The following C9 variants were observed in gnomAD, a reference collection of about 807,000 sequenced individuals.
The protein encoded by C9 is complement component C9.
C9 carries 63 observed loss-of-function variants against 65.4 expected under a neutral mutation model. That is an observed-to-expected ratio of 0.96 (90% confidence interval 0.79 to 1.19). The LOEUF is 1.19. C9 is among the 50% of genes most tolerant of loss of function. The probability of loss-of-function intolerance (pLI) is 0.00; values close to 1 mark genes in which losing one functional copy is unlikely to be tolerated. For missense variants in C9, 744 were observed against 670.1 expected (o/e 1.11, Z -1.22); for synonymous variants, 229 against 227.9 (o/e 1.00, Z -0.04).
intron 7 of C9, among the ~76,000 whole-genome samples, chr5:39,310,007 T>G (rs1753451288): frequency 6.6e-6 from 1 of 152,058 alleles, no homozygotes; most frequent in South Asian, 2.1e-4. Flanking sequence ...CAGGTGGAGC[T>G]CACAGCAACT....
chr5:39,315,626 T>G, intron 6 of C9, 149 bp downstream of exon 6: 1 of 629,328 alleles, frequency 1.6e-6, no homozygotes, highest in Non-Finnish European at 2.7e-6. Context: ...TTTTCTCCAG[T>G]TAGTATTCTT....
intron 4 of C9, among the ~76,000 whole-genome samples, chr5:39,333,648 C>CCCCTCTCCCTCTCTTTCCACGGTCTA (rs1388203689): frequency 6.6e-6 from 1 of 150,546 alleles, no homozygotes; most frequent in Non-Finnish European, 1.5e-5. Flanking sequence ...TCCACGGTCT[C>CCCCTCTCCCTCTCTTTCCACGGTCTA]CCTCTCATGC....
intron 7 of C9, among the ~76,000 whole-genome samples, chr5:39,309,113 A>C (rs1483894228): frequency 6.6e-6 from 1 of 152,184 alleles, no homozygotes; most frequent in Non-Finnish European, 1.5e-5. Context: ...ACTAGAAAGA[A>C]AAATCCTAAT....
At chr5:39,362,478 C>T (rs1425280196) in intron 1 of C9, among the ~76,000 whole-genome samples, 2 of 152,142 alleles carry the variant, frequency 1.3e-5, no homozygotes, top group Non-Finnish European at 2.9e-5. Context: ...GGAGGGAGCA[C>T]GGCCCTGCCA....
At chr5:39,291,570 T>C (rs1467596579) in intron 9 of C9, among the ~76,000 whole-genome samples, 2 of 151,824 alleles carry the variant, frequency 1.3e-5, no homozygotes, top group Non-Finnish European at 2.9e-5. Flanking sequence ...AGATATCTTA[T>C]GAATAAAAAC....
intron 9 of C9, among the ~76,000 whole-genome samples, chr5:39,300,815 T>C (rs946344534): frequency 6.6e-6 from 1 of 152,158 alleles, no homozygotes; most frequent in Non-Finnish European, 1.5e-5. Flanking sequence ...CAACATACCA[T>C]GTATAGAAAG....
intron 1 of C9, among the ~76,000 whole-genome samples, chr5:39,349,510 C>T (rs1022907262): frequency 2.0e-5 from 3 of 152,194 alleles, no homozygotes; most frequent in Admixed American, 1.3e-4. Context: ...AAGAACAAGT[C>T]TTATCTCCTT....
At chr5:39,321,329 C>T (rs1245802681) in intron 5 of C9, among the ~76,000 whole-genome samples, 2 of 152,000 alleles carry the variant, frequency 1.3e-5, no homozygotes, top group African/African-American at 2.4e-5. Context: ...ATTTATGTTG[C>T]TAACAGTTTA....
At chr5:39,319,623 A>G (rs1753631748) in intron 5 of C9, among the ~76,000 whole-genome samples, 1 of 152,156 alleles carries the variant, frequency 6.6e-6, no homozygotes, top group South Asian at 2.1e-4. Context: ...CTCAGGCTCC[A>G]GTTTCACCCA....
Position 39,364,453 on chromosome 5 carries a change from G to T in C9, c.12C>A (p.Cys4Ter). Residue 4 changes from cysteine to a stop codon, truncating the protein, a stop_gained, in exon 1 of 11, where the codon TGC becomes TGA. Coordinates refer to ENST00000263408, the MANE Select transcript of C9 (RefSeq NM_001737.5). LOFTEE classifies it high-confidence loss of function. Reference sequence around the variant, plus strand: ...TGCAGATTGCAACTGCAAAGCTCCGGCAGGCTGACATGCTGCTCTTGCTGG... The same window carrying T: ...TGCAGATTGCAACTGCAAAGCTCCGTCAGGCTGACATGCTGCTCTTGCTGG... MSA[C>*]RSFAVAICIL... 1 of 1,605,088 alleles carries T rather than the reference G, an allele frequency of 6.2e-7. No individual in the cohort carries two copies. Among genetic ancestry groups the T allele is most frequent in the Non-Finnish European group, 8.5e-7 (1 of 1,172,618 alleles).
At position 39,298,859 on chromosome 5, in the gene C9, T is replaced by C. The variant is rs1333422812; in HGVS notation, c.1416+7758A>G. Among the ~76,000 whole-genome samples, 17 of 151,890 alleles carry C rather than the reference T, an allele frequency of 1.1e-4. No homozygotes were observed. The East Asian group carries it at 3.1e-3, about 28-fold the overall frequency. ...TATCCCAAGACAATAGCAAACCAAA[T>C]ACAATAGTTTTTAAGCACCAGGTTT... On this transcript the variant is annotated intron_variant, in intron 9 of 10. Transcript: ENST00000263408.
chr5:39,334,711 G>A (rs567209081), intron 4 of C9, among the ~76,000 whole-genome samples: 2 of 148,748 alleles, frequency 1.3e-5, no homozygotes, highest in East Asian at 2.1e-4. Context: ...TCAGCCCCCC[G>A]CCTGGCCAGC....
At chr5:39,338,067 A>G (rs994213915) in intron 4 of C9, among the ~76,000 whole-genome samples, 10 of 152,250 alleles carry the variant, frequency 6.6e-5, no homozygotes, top group African/African-American at 2.2e-4. Flanking sequence ...GTGAGTAAAC[A>G]TGCAACATTA....
intron 1 of C9, among the ~76,000 whole-genome samples, chr5:39,353,663 C>A (rs1001153581): frequency 2.0e-5 from 3 of 152,116 alleles, no homozygotes; most frequent in Admixed American, 2.0e-4. Context: ...ATCTATTCAT[C>A]AAATATATAT....
intron 1 of C9, among the ~76,000 whole-genome samples, chr5:39,363,014 G>A (rs1222854460): frequency 6.6e-6 from 1 of 152,140 alleles, no homozygotes; most frequent in South Asian, 2.1e-4. Context: ...GCACTTCAAA[G>A]CAATCAAAGC....
At chr5:39,318,112 T>A (rs1452131176) in intron 5 of C9, among the ~76,000 whole-genome samples, 2 of 152,132 alleles carry the variant, frequency 1.3e-5, no homozygotes, top group East Asian at 3.9e-4. Context: ...TTTTTAGCAA[T>A]CGTGAATGGG....
chr5:39,303,401 A>C (rs1753317183), intron 9 of C9, among the ~76,000 whole-genome samples: 2 of 152,084 alleles, frequency 1.3e-5, no homozygotes, highest in Non-Finnish European at 2.9e-5. Context: ...GGTTTGACAA[A>C]GCAGACAAAT....
chr5:39,340,363 T>C (rs1754052083), intron 4 of C9, among the ~76,000 whole-genome samples: 1 of 152,190 alleles, frequency 6.6e-6, no homozygotes, highest in Non-Finnish European at 1.5e-5. Context: ...AATCCACCTT[T>C]ACCAAAAATA....
At chr5:39,337,069 G>A (rs1347253121) in intron 4 of C9, among the ~76,000 whole-genome samples, 1 of 151,936 alleles carries the variant, frequency 6.6e-6, no homozygotes, top group Non-Finnish European at 1.5e-5. Flanking sequence ...GTAAGTGATT[G>A]TTTAAAAAAG....
Sources: allele counts gnomAD v4.1 joint callset (sites outside exome capture counted in the v4.1 genomes callset), GRCh38; gene constraint gnomAD v4.1.1; transcripts MANE v1.5; gene names NCBI Gene and HGNC (gene_info 2026-07-23, HGNC 2026-07-21).